The following FAM228B variants were observed in gnomAD, a reference collection of about 807,000 sequenced individuals.
The protein encoded by FAM228B is family with sequence similarity 228 member B, also known as protein FAM228B.
In FAM228B, 38 loss-of-function variants were observed where a neutral mutation model predicts 42.6. The observed-to-expected ratio is 0.89, with a 90% CI of 0.69 to 1.17. The LOEUF is 1.17. Ranked by LOEUF, FAM228B falls within the 50% of genes most tolerant of loss-of-function variation. The pLI is 0.00. For missense variants in FAM228B, 344 were observed against 367.3 expected, an observed-to-expected ratio of 0.94 and a Z score of 0.52; for synonymous variants, 109 against 122.3, an observed-to-expected ratio of 0.89 and a Z score of 0.72.
At chr2:24,079,884 A>C (rs995166635) in intron 1 of FAM228B, among the ~76,000 whole-genome samples, 3 of 152,216 alleles carry the variant, frequency 2.0e-5, no homozygotes, top group Admixed American at 2.0e-4. Flanking sequence ...ACCATGACCT[A>C]GCGTCTCCTG....
At chr2:24,121,769 C>G (rs551366786), upstream of FAM228B, among the ~76,000 whole-genome samples, 1 of 152,180 alleles carries the variant, frequency 6.6e-6, no homozygotes, top group African/African-American at 2.4e-5. Context: ...TTAGAAAGAG[C>G]CTGGCACCTC....
rs1665468902 is a variant in FAM228B, at chr2:24,095,065, C to T, written c.-209-76C>T. On this transcript the variant is annotated intron_variant, in intron 2 of 10. Coordinates refer to the FAM228B transcript ENST00000613899. This position sits in a 1 kb window ranked among gnomAD's most constrained non-coding sequence, Gnocchi z 4.8. Reference sequence around the variant, plus strand: ...CAGCCAAGATTGCGCCACTGCACTCCAGCCTTATATTAGAGCAATTTGATA... The same window carrying T: ...CAGCCAAGATTGCGCCACTGCACTCTAGCCTTATATTAGAGCAATTTGATA... The T allele has an allele frequency of 6.6e-6, 1 of 152,226 alleles. No individual in the cohort carries two copies. Among genetic ancestry groups the T allele is most frequent in the East Asian group, 1.9e-4 (1 of 5,198 alleles). The allele number at this position is 152,226 out of a possible 1,614,324, so 9.4% of individuals were successfully genotyped here.
chr2:24,149,970 C>T (rs1352414446), intron 7 of FAM228B, among the ~76,000 whole-genome samples: 1 of 152,166 alleles, frequency 6.6e-6, no homozygotes, highest in Non-Finnish European at 1.5e-5. Context: ...TACAAACGCA[C>T]AAAAAGAAAA....
At position 24,080,419 on chromosome 2, in the gene FAM228B, TAC is replaced by T. The variant is rs2150984051; in HGVS notation, c.-289-455_-289-454del. Among the ~76,000 whole-genome samples the T allele has an allele frequency of 6.6e-6, 1 of 151,750 alleles. No individual in the cohort carries two copies. The highest frequency in any genetic ancestry group is 2.4e-5 in the African/African-American group (1 of 41,384). On this transcript the variant is annotated intron_variant, in intron 1 of 10. Transcript: ENST00000613899. This position sits in a 1 kb window ranked among gnomAD's most constrained non-coding sequence, Gnocchi z 4.7. ...AAAATAGACACGTCTGGCTTTGGAA[TAC>T]AGAGGTGTGCACATCTACTTACTCA...
intron 5 of FAM228B, among the ~76,000 whole-genome samples, chr2:24,146,276 A>T (rs531194434): frequency 6.6e-6 from 1 of 152,280 alleles, no homozygotes; most frequent in South Asian, 2.1e-4. Context: ...TTTGATATTG[A>T]TAATATTGGC....
chr2:24,124,860 A>G (rs548462507), intron 2 of FAM228B, among the ~76,000 whole-genome samples: 15 of 152,258 alleles, frequency 9.9e-5, no homozygotes, highest in South Asian at 2.1e-4. Flanking sequence ...ATGTCTGGCT[A>G]ATTTTTGTAT....
At chr2:24,120,268 CAAAAA>C, upstream of FAM228B, among the ~76,000 whole-genome samples, 1 of 118,284 alleles carries the variant, frequency 8.5e-6, no homozygotes, top group African/African-American at 3.0e-5. Flanking sequence ...AAACTCGTCT[CAAAAA>C]AAAAAACAAC....
intron 7 of FAM228B, among the ~76,000 whole-genome samples, chr2:24,158,215 C>CTTTTTTTTTTTTTTTTTTTTTTTTTT (rs1335914110): frequency 2.2e-4 from 2 of 9,176 alleles, no homozygotes; most frequent in Non-Finnish European, 3.8e-4. Flanking sequence ...TTTTTTTTTC[C>CTTTTTTTTTTTTTTTTTTTTTTTTTT]AAAACATTGT....
chr2:24,157,598 C>A (rs977398025), intron 7 of FAM228B, among the ~76,000 whole-genome samples: 3 of 151,976 alleles, frequency 2.0e-5, no homozygotes, highest in South Asian at 4.2e-4. Flanking sequence ...AATAGCCGGG[C>A]CTGGTGGTGC....
At chr2:24,164,427 G>A (rs1311850171) in intron 9 of FAM228B, 92 bp downstream of exon 9, 1 of 1,366,762 alleles carries the variant, frequency 7.3e-7, no homozygotes, top group Non-Finnish European at 9.7e-7. Flanking sequence ...TTGTATGGCA[G>A]GCTTCCAGGA....
rs182297484 is a variant in FAM228B, at chr2:24,141,015, G to T, written c.441+1565G>T. On this transcript the variant is annotated intron_variant, in intron 5 of 10. Coordinates refer to ENST00000615575, the MANE Select transcript of FAM228B (RefSeq NM_001145710.2). The stretch of plus-strand genomic sequence containing the variant: ...ATGGCTGAAAAAATATAATTGCATT[G>T]CATTCAAGTGAATTTAGTGACACAA... 3.6e-3 allele frequency among the ~76,000 whole-genome samples: 544 copies of T among 150,928 alleles called. 12 individuals are homozygous for T. Among genetic ancestry groups the T allele is most frequent in the East Asian group, 4.9e-3 (25 of 5,140 alleles).
rs373115231 is a variant in FAM228B at position 24,157,273 on chromosome 2, G to A, written c.687-4233G>A. ...TGGTCTATCTTGGAGAACATTTTATGTGCTGATGAATAGAATGAGTTATAC... is the reference window on the plus strand; with the variant it reads ...TGGTCTATCTTGGAGAACATTTTATATGCTGATGAATAGAATGAGTTATAC... On this transcript the variant is annotated intron_variant, in intron 7 of 10. Coordinates refer to ENST00000615575, the MANE Select transcript of FAM228B (RefSeq NM_001145710.2). Among the ~76,000 whole-genome samples the A allele has an allele frequency of 9.9e-5, 15 of 152,260 alleles. No individual in the cohort carries two copies. The South Asian group carries it at 1.5e-3, about 15-fold the overall frequency.
chr2:24,122,556 G>C, upstream of FAM228B: 1 of 1,553,302 alleles, frequency 6.4e-7, no homozygotes, highest in Non-Finnish European at 8.9e-7. Flanking sequence ...CTCTGAAAGG[G>C]AAAGTGCAGT....
At chr2:24,158,433 C>T (rs1380747632) in intron 7 of FAM228B, among the ~76,000 whole-genome samples, 1 of 151,992 alleles carries the variant, frequency 6.6e-6, no homozygotes, top group African/African-American at 2.4e-5. Flanking sequence ...GTGAATCTAG[C>T]TTGTAGCCAT....
At chr2:24,154,061 C>T (rs1115857) in intron 7 of FAM228B, among the ~76,000 whole-genome samples, 126,161 of 152,164 alleles carry the variant, frequency 0.83, 54,165 homozygotes, top group Non-Finnish European at 0.93. Context: ...CTGTACCACA[C>T]GGCTATGACT....
intron 7 of FAM228B, among the ~76,000 whole-genome samples, chr2:24,152,981 G>T (rs1475364057): frequency 1.3e-5 from 2 of 152,100 alleles, no homozygotes; most frequent in Non-Finnish European, 1.5e-5. Flanking sequence ...ACCACCACTG[G>T]TCTATGGGGA....
At chr2:24,112,333 T>C (rs1423734564) in intron 3 of FAM228B, among the ~76,000 whole-genome samples, 1 of 142,022 alleles carries the variant, frequency 7.0e-6, no homozygotes, top group Non-Finnish European at 1.5e-5. Context: ...GGAGTTTCGC[T>C]CTTGTCGCCC....
intron 2 of FAM228B, among the ~76,000 whole-genome samples, chr2:24,081,415 C>T (rs1664996783): frequency 6.6e-6 from 1 of 152,222 alleles, no homozygotes; most frequent in African/African-American, 2.4e-5. Context: ...CCCATGGTCA[C>T]CACCGAAAGC....
chr2:24,136,510 T>C (rs1484093380), intron 3 of FAM228B, among the ~76,000 whole-genome samples: 1 of 152,154 alleles, frequency 6.6e-6, no homozygotes, highest in African/African-American at 2.4e-5. Context: ...AGGCGTGGGA[T>C]TGCCACTACG....
Sources: allele counts gnomAD v4.1 joint callset (sites outside exome capture counted in the v4.1 genomes callset), GRCh38; gene constraint gnomAD v4.1.1; non-coding constraint Gnocchi (gnomAD v3.1); transcripts MANE v1.5; gene names NCBI Gene and HGNC (gene_info 2026-07-23, HGNC 2026-07-21).